SSH2: variants seen among roughly 807,000 people sequenced by gnomAD.
SSH2 encodes the protein protein phosphatase Slingshot homolog 2.
In SSH2, 37 loss-of-function variants were observed where a neutral mutation model predicts 135.2. The observed-to-expected ratio is 0.27, with a 90% confidence interval of 0.21 to 0.36. The LOEUF (loss-of-function observed/expected upper bound fraction) is 0.36, where lower values mean the gene tolerates loss of function less well. SSH2 is among the 10% of genes least tolerant of loss of function. SSH2 has a pLI of 1.00. For synonymous variants in SSH2, 628 were observed against 646.2 expected (o/e 0.97, Z 0.43); for missense variants, 1,408 against 1,765.3 (o/e 0.80, Z 3.63).
intron 1 of SSH2, among the ~76,000 whole-genome samples, chr17:29,877,507 T>C (rs2066055757): frequency 6.6e-6 from 1 of 152,036 alleles, no homozygotes; most frequent in African/African-American, 2.4e-5. Flanking sequence ...ATAAAGAAAA[T>C]GTGGCCCTTA....
chr17:29,864,658 A>AC (rs1033037772), intron 1 of SSH2, among the ~76,000 whole-genome samples: 18 of 151,110 alleles, frequency 1.2e-4, no homozygotes, highest in African/African-American at 3.9e-4. Flanking sequence ...AAAAAAAAAA[A>AC]AGAAACAACG....
intron 2 of SSH2, among the ~76,000 whole-genome samples, chr17:29,821,453 C>T (rs1180128213): frequency 6.7e-6 from 1 of 149,086 alleles, no homozygotes; most frequent in African/African-American, 2.5e-5. Flanking sequence ...AATGGGTACT[C>T]AACAAATATT....
chr17:29,801,722 C>T (rs2042253360), intron 2 of SSH2, among the ~76,000 whole-genome samples: 1 of 152,184 alleles, frequency 6.6e-6, no homozygotes, highest in South Asian at 2.1e-4. Context: ...TGCCTCATTG[C>T]CCTTTGCATC....
chr17:29,876,865 AATGGGATCACATC>A (rs2066043318), intron 1 of SSH2, among the ~76,000 whole-genome samples: 2 of 151,968 alleles, frequency 1.3e-5, no homozygotes, highest in Non-Finnish European at 2.9e-5. Context: ...AAAATGGACA[AATGGGATCACATC>A]AAGGCAAAAA....
At chr17:29,759,206 T>G (rs2041217165) in intron 3 of SSH2, among the ~76,000 whole-genome samples, 1 of 151,990 alleles carries the variant, frequency 6.6e-6, no homozygotes, top group African/African-American at 2.4e-5. Flanking sequence ...TGGCTAATTT[T>G]TTCTATTTTT....
intron 2 of SSH2, among the ~76,000 whole-genome samples, chr17:29,799,427 T>C (rs543906179): frequency 7.9e-5 from 12 of 152,334 alleles, no homozygotes; most frequent in African/African-American, 2.9e-4. Flanking sequence ...TGATCTAAAT[T>C]CTAGCCAACA....
chr17:29,741,611 C>CA (rs2040556843), intron 3 of SSH2, among the ~76,000 whole-genome samples: 2 of 140,770 alleles, frequency 1.4e-5, no homozygotes. Flanking sequence ...AATCCCCCTC[C>CA]TTTTTTTTTT....
intron 2 of SSH2, among the ~76,000 whole-genome samples, chr17:29,805,182 G>C (rs1008303739): frequency 4.6e-5 from 7 of 151,770 alleles, no homozygotes; most frequent in African/African-American, 1.7e-4. Context: ...TCGAGATGGA[G>C]TCTCATTCTG....
chr17:29,913,343 A>T lies in SSH2; in HGVS notation c.63+16595T>A, dbSNP rs1243201381. Among the ~76,000 whole-genome samples the T allele has an allele frequency of 7.6e-4, 33 of 43,442 alleles. 2 individuals carry two copies. The highest frequency in any genetic ancestry group is 3.2e-3 in the East Asian group (3 of 932). The allele number at this position is 43,442 out of a possible 152,430, so 28.5% of individuals were successfully genotyped here. On this transcript the variant is annotated intron_variant, in intron 1 of 15. Coordinates refer to ENST00000540801, the MANE Select transcript of SSH2 (RefSeq NM_001282129.2). The stretch of plus-strand genomic sequence containing the variant: ...AAAAAAAAAAAAAAAAAAAAAAAAA[A>T]AAAAATATATATATATATATATATA...
intron 2 of SSH2, among the ~76,000 whole-genome samples, chr17:29,818,407 C>T (rs1208895729): frequency 6.6e-6 from 1 of 151,944 alleles, no homozygotes; most frequent in African/African-American, 2.4e-5. Flanking sequence ...TGCCACCAAG[C>T]CCGGCTAATT....
At chr17:29,808,262 G>C (rs1222159740) in intron 2 of SSH2, among the ~76,000 whole-genome samples, 7 of 152,216 alleles carry the variant, frequency 4.6e-5, no homozygotes, top group African/African-American at 1.7e-4. Flanking sequence ...CTGAGTAACA[G>C]GGATTACAGG....
At chr17:29,908,102 A>C (rs2066690188) in intron 1 of SSH2, among the ~76,000 whole-genome samples, 1 of 151,982 alleles carries the variant, frequency 6.6e-6, no homozygotes, top group South Asian at 2.1e-4. Context: ...GGCGTGAGCC[A>C]CTGTGCCCAA....
At chr17:29,779,956 C>T (rs2041804146) in intron 3 of SSH2, among the ~76,000 whole-genome samples, 1 of 150,432 alleles carries the variant, frequency 6.6e-6, no homozygotes, top group African/African-American at 2.4e-5. Context: ...GGCACAGTAG[C>T]TCACGCCTGT....
At position 29,627,110 on chromosome 17, in the gene SSH2, C is replaced by A. The variant is rs939596053; in HGVS notation, c.*3731G>T. The A allele has an allele frequency of 6.6e-6, 1 of 152,582 alleles. No homozygotes were observed. The highest frequency in any genetic ancestry group is 2.4e-5 in the African/African-American group (1 of 41,434). 9.5% of individuals were successfully genotyped at this position (152,582 alleles called of 1,614,324 possible). On this transcript the variant is annotated 3_prime_UTR_variant, in exon 16 of 16. Coordinates refer to ENST00000540801, the MANE Select transcript of SSH2 (RefSeq NM_001282129.2). ...TGGCCCTGCTCTGCATGAGGACTCA[C>A]AGGACAGCCAGGGCACTGATGCCTG...
chr17:29,876,180 C>T (rs2066026970), intron 1 of SSH2, among the ~76,000 whole-genome samples: 1 of 141,900 alleles, frequency 7.0e-6, no homozygotes, highest in East Asian at 2.2e-4. Flanking sequence ...ATAGCCAAAG[C>T]TATCCTAAGG....
chr17:29,629,045 AT>A lies in SSH2; in HGVS notation c.*1795del, dbSNP rs2035578604. On this transcript the variant is annotated 3_prime_UTR_variant, in exon 16 of 16. Coordinates refer to ENST00000540801, the MANE Select transcript of SSH2 (RefSeq NM_001282129.2). ...CCTGTCTCCAGTCTATACTCAGTCA[AT>A]CCTCAGTAACGTGGACATCAACGAA... The A allele has an allele frequency of 6.6e-6, 1 of 152,268 alleles. No homozygotes were observed. Among genetic ancestry groups the A allele is most frequent in the African/African-American group, 2.4e-5 (1 of 41,452 alleles). The allele number at this position is 152,268 out of a possible 1,614,324, so 9.4% of individuals were successfully genotyped here. A position where few individuals can be genotyped will look rare whatever the true frequency, so the allele number is the denominator to read the frequency against.
At chr17:29,766,435 G>T (rs1030532825) in intron 3 of SSH2, among the ~76,000 whole-genome samples, 1 of 151,446 alleles carries the variant, frequency 6.6e-6, no homozygotes, top group Non-Finnish European at 1.5e-5. Context: ...TCTAGTCGGG[G>T]CAACAGAGTG....
chr17:29,673,982 T>C (rs920563704), intron 8 of SSH2: 13 of 406,208 alleles, frequency 3.2e-5, no homozygotes, highest in African/African-American at 2.7e-4. Context: ...AGAGCTAAAA[T>C]CTTTGCACAC....
In SSH2 at chr17:29,852,802, G is replaced by A. The variant is rs188516658; in HGVS notation, c.64-3873C>T. On this transcript the variant is annotated intron_variant, in intron 1 of 15. Coordinates refer to ENST00000540801, the MANE Select transcript of SSH2 (RefSeq NM_001282129.2). ...CCTCACCTCGTGATCCACCCACCTC[G>A]GCCTCCCAAAGTGCTGGGATTATAG... Among the ~76,000 whole-genome samples, 642 of 151,912 alleles carry A rather than the reference G, an allele frequency of 4.2e-3. 5 individuals are homozygous for A. Among genetic ancestry groups the A allele is most frequent in the Middle Eastern group, 0.01 (3 of 290 alleles).
Sources: gnomAD v4.1 joint callset for allele counts (sites outside exome capture counted in the v4.1 genomes callset) on GRCh38, gnomAD v4.1.1 for gene constraint, MANE v1.5 for transcripts, NCBI Gene and HGNC (gene_info 2026-07-23, HGNC 2026-07-21) for gene names.